Variants in TBC1D22A observed in about 807,000 individuals in gnomAD.
TBC1D22A encodes the protein TBC1 domain family member 22A.
In TBC1D22A, 38 loss-of-function variants were observed where a neutral mutation model predicts 60.2. The ratio of observed to expected loss-of-function variants is 0.63; its 90% CI spans 0.49 to 0.83. The LOEUF (loss-of-function observed/expected upper bound fraction) is 0.83. Ranked by LOEUF, TBC1D22A falls within the 40% of genes least tolerant of loss-of-function variation. The probability of loss-of-function intolerance (pLI) is 0.00; values close to 1 mark genes in which losing one functional copy is unlikely to be tolerated. For missense variants in TBC1D22A, 628 were observed against 701.0 expected (o/e 0.90, Z 1.18); for synonymous variants, 302 against 281.7 (o/e 1.07, Z -0.72).
At chr22:47,139,471 C>T (rs987598676) in intron 12 of TBC1D22A, among the ~76,000 whole-genome samples, 27 of 152,180 alleles carry the variant, frequency 1.8e-4, no homozygotes, top group African/African-American at 6.3e-4. Flanking sequence ...CTGGTCGGGG[C>T]GGCCTCAAAG....
chr22:46,829,696 C>T (rs189393075), intron 4 of TBC1D22A, among the ~76,000 whole-genome samples: 4 of 152,168 alleles, frequency 2.6e-5, no homozygotes, highest in African/African-American at 4.8e-5. Flanking sequence ...TTATTCATCC[C>T]GATGGGGCCA....
chr22:47,033,507 C>T (rs9626932), intron 10 of TBC1D22A, among the ~76,000 whole-genome samples: 15,497 of 152,080 alleles, frequency 0.1, 2,003 homozygotes, highest in African/African-American at 0.3. Flanking sequence ...TACTGGGGGC[C>T]GGGGAAACAA....
intron 5 of TBC1D22A, among the ~76,000 whole-genome samples, chr22:46,885,032 G>A (rs928835848): frequency 1.3e-5 from 2 of 152,212 alleles, no homozygotes; most frequent in African/African-American, 2.4e-5. Flanking sequence ...TTAAAATGAT[G>A]TGATTGTCAC....
intron 11 of TBC1D22A, among the ~76,000 whole-genome samples, chr22:47,041,689 G>A (rs117337750): frequency 3.9e-5 from 6 of 152,224 alleles, no homozygotes; most frequent in Non-Finnish European, 7.3e-5. Flanking sequence ...CCGAGTTTCC[G>A]ATCCTTGCCT....
Position 47,173,780 on chromosome 22 carries a change from C to A in TBC1D22A, c.*154C>A. On this transcript the variant is annotated 3_prime_UTR_variant, in exon 13 of 13. Transcript: ENST00000337137. ...GGAGCTGGTGAAGATGGGCCACAGACCTGGTCTAGGGCTGACAAAGACAGG... is the reference window on the plus strand; with the variant it reads ...GGAGCTGGTGAAGATGGGCCACAGAACTGGTCTAGGGCTGACAAAGACAGG... 2 of 1,199,886 alleles carry A rather than the reference C, an allele frequency of 1.7e-6. No homozygotes were observed. The highest frequency in any genetic ancestry group is 2.3e-6 in the Non-Finnish European group (2 of 856,242). 74.3% of individuals were successfully genotyped at this position (1,199,886 alleles called of 1,614,324 possible). A position where few individuals can be genotyped will look rare whatever the true frequency, so the allele number is the denominator to read the frequency against.
chr22:47,048,433 C>T (rs2063099701), intron 11 of TBC1D22A, among the ~76,000 whole-genome samples: 1 of 152,108 alleles, frequency 6.6e-6, no homozygotes, highest in Admixed American at 6.5e-5. Context: ...CTTGCCGAGA[C>T]GGTGCTCAGG....
intron 4 of TBC1D22A, among the ~76,000 whole-genome samples, chr22:46,820,088 C>G (rs2147090718): frequency 6.6e-6 from 1 of 152,304 alleles, no homozygotes; most frequent in Non-Finnish European, 1.5e-5. Flanking sequence ...GTGATATCTC[C>G]TTTATCACTT....
intron 4 of TBC1D22A, among the ~76,000 whole-genome samples, chr22:46,869,672 C>T (rs563283519): frequency 1.7e-4 from 26 of 152,296 alleles, no homozygotes; most frequent in Non-Finnish European, 3.1e-4. Flanking sequence ...TGACACTCAG[C>T]GTTTAGCCTA....
chr22:47,084,212 G>A (rs187736710), intron 11 of TBC1D22A, among the ~76,000 whole-genome samples: 3 of 152,304 alleles, frequency 2.0e-5, no homozygotes, highest in African/African-American at 2.4e-5. Flanking sequence ...AGTCACACTC[G>A]TCACAGTTGA....
intron 11 of TBC1D22A, among the ~76,000 whole-genome samples, chr22:47,069,355 G>A (rs947437353): frequency 1.1e-4 from 16 of 152,158 alleles, no homozygotes; most frequent in East Asian, 3.9e-4. Context: ...ATGGAACGTC[G>A]TACCTCCCAG....
chr22:46,866,296 G>A (rs1473845089), intron 4 of TBC1D22A, among the ~76,000 whole-genome samples: 1 of 152,152 alleles, frequency 6.6e-6, no homozygotes, highest in African/African-American at 2.4e-5. Flanking sequence ...TAGAGATGGA[G>A]TTTCACCATG....
intron 11 of TBC1D22A, among the ~76,000 whole-genome samples, chr22:47,076,353 A>ATGTGTGTG (rs1288517301): frequency 1.9e-5 from 2 of 107,774 alleles, no homozygotes; most frequent in East Asian, 6.7e-4. Context: ...ATATATATAT[A>ATGTGTGTG]TGTGTGTGTA....
At chr22:47,060,292 A>T (rs1603208497) in intron 11 of TBC1D22A, among the ~76,000 whole-genome samples, 1 of 130,064 alleles carries the variant, frequency 7.7e-6, no homozygotes, top group Non-Finnish European at 1.5e-5. Context: ...CCCAGGCTGG[A>T]GTGCAATGGC....
intron 8 of TBC1D22A, among the ~76,000 whole-genome samples, chr22:46,952,072 G>A (rs1464218839): frequency 6.6e-6 from 1 of 152,252 alleles, no homozygotes; most frequent in Non-Finnish European, 1.5e-5. Flanking sequence ...TCCACAGGGG[G>A]ACAGATTGTG....
At chr22:46,864,964 T>C (rs2147381496) in intron 4 of TBC1D22A, among the ~76,000 whole-genome samples, 1 of 152,338 alleles carries the variant, frequency 6.6e-6, no homozygotes, top group East Asian at 1.9e-4. Context: ...GAGCCTCCCA[T>C]CACTGTGCTT....
intron 12 of TBC1D22A, among the ~76,000 whole-genome samples, chr22:47,151,823 C>T (rs946888428): frequency 1.1e-4 from 17 of 152,202 alleles, no homozygotes; most frequent in African/African-American, 3.9e-4. Flanking sequence ...GAAAGAGCAG[C>T]GTCACCCAGG....
chr22:46,931,797 C>T (rs548888661), intron 8 of TBC1D22A, among the ~76,000 whole-genome samples: 5 of 152,334 alleles, frequency 3.3e-5, no homozygotes, highest in African/African-American at 9.6e-5. Context: ...ACTGATCTGA[C>T]GGACCTTCAT....
intron 8 of TBC1D22A, among the ~76,000 whole-genome samples, chr22:46,942,523 C>G (rs972983413): frequency 6.6e-6 from 1 of 152,136 alleles, no homozygotes. Context: ...GTATAGTATT[C>G]AAGAAGGATT....
At chr22:47,108,884 T>G (rs1024873215) in intron 11 of TBC1D22A, among the ~76,000 whole-genome samples, 2 of 151,944 alleles carry the variant, frequency 1.3e-5, no homozygotes, top group Admixed American at 1.3e-4. Flanking sequence ...TTTAGTAGAG[T>G]CGGGGTTTCA....
Sources: allele counts gnomAD v4.1 joint callset (sites outside exome capture counted in the v4.1 genomes callset), GRCh38; gene constraint gnomAD v4.1.1; transcripts MANE v1.5; gene names NCBI Gene and HGNC (gene_info 2026-07-23, HGNC 2026-07-21).